The following CCSER1 variants were observed in gnomAD, a reference collection of about 807,000 sequenced individuals.
CCSER1 encodes the protein serine-rich coiled-coil domain-containing protein 1.
Under a neutral mutation model 82.0 loss-of-function variants are expected in CCSER1, and 41 were observed. The observed-to-expected ratio is 0.50, with a 90% confidence interval of 0.39 to 0.65. CCSER1 has a LOEUF of 0.65. Ranked by LOEUF, CCSER1 falls within the 30% of genes least tolerant of loss-of-function variation. The pLI is 0.00. For synonymous variants in CCSER1, 414 were observed against 383.9 expected (o/e 1.08, Z -0.92); for missense variants, 1,119 against 1,064.2 (o/e 1.05, Z -0.72).
intron 5 of CCSER1, among the ~76,000 whole-genome samples, chr4:90,542,317 G>A (rs993199761): frequency 6.6e-6 from 1 of 152,054 alleles, no homozygotes; most frequent in African/African-American, 2.4e-5. Context: ...ATCCCATTAG[G>A]TTTGCGGATA....
At chr4:91,177,777 C>A in intron 10 of CCSER1, among the ~76,000 whole-genome samples, 1 of 152,124 alleles carries the variant, frequency 6.6e-6, no homozygotes, top group East Asian at 1.9e-4. Context: ...CTCCTGGATT[C>A]ATTGATTTTT....
At chr4:90,941,519 A>G (rs142219467) in intron 9 of CCSER1, among the ~76,000 whole-genome samples, 1,683 of 152,278 alleles carry the variant, frequency 0.011, 41 homozygotes, top group African/African-American at 0.038. Context: ...TTTATAAAAC[A>G]AAATGCAATT....
chr4:90,702,138 G>A (rs144754763), intron 6 of CCSER1, among the ~76,000 whole-genome samples: 1,535 of 152,192 alleles, frequency 0.01, 9 homozygotes, highest in Non-Finnish European at 0.017. Context: ...ATTATTTTGA[G>A]ATATGTCCCA....
intron 6 of CCSER1, among the ~76,000 whole-genome samples, chr4:90,631,606 G>T (rs1439416847): frequency 6.6e-6 from 1 of 152,152 alleles, no homozygotes; most frequent in Admixed American, 6.5e-5. Context: ...TCGACAGAGT[G>T]TTAATAGATG....
At chr4:90,625,468 T>A (rs944655943) in intron 5 of CCSER1, among the ~76,000 whole-genome samples, 5 of 152,178 alleles carry the variant, frequency 3.3e-5, no homozygotes, top group African/African-American at 7.2e-5. Flanking sequence ...ATTTAACAGA[T>A]CTTTCACTAA....
At chr4:91,174,373 G>A (rs1733084011) in intron 10 of CCSER1, among the ~76,000 whole-genome samples, 1 of 152,034 alleles carries the variant, frequency 6.6e-6, no homozygotes, top group Non-Finnish European at 1.5e-5. Flanking sequence ...ATTTCTTGAT[G>A]CAAGAGTATA....
At chr4:91,321,710 G>A (rs1311383471) in intron 10 of CCSER1, among the ~76,000 whole-genome samples, 1 of 151,870 alleles carries the variant, frequency 6.6e-6, no homozygotes, top group Non-Finnish European at 1.5e-5. Flanking sequence ...TTTTCCAAAT[G>A]TACTATCTTC....
intron 10 of CCSER1, among the ~76,000 whole-genome samples, chr4:91,388,661 A>T (rs1282987366): frequency 6.6e-6 from 1 of 152,028 alleles, no homozygotes; most frequent in Non-Finnish European, 1.5e-5. Flanking sequence ...ATGATGTGGA[A>T]CATCTTTTCA....
chr4:91,095,203 A>T (rs1345093909), intron 10 of CCSER1, among the ~76,000 whole-genome samples: 1 of 152,116 alleles, frequency 6.6e-6, no homozygotes, highest in African/African-American at 2.4e-5. Flanking sequence ...AGCCCTTCGA[A>T]CAGATTGAAC....
At chr4:91,370,427 T>C (rs1385255819) in intron 10 of CCSER1, among the ~76,000 whole-genome samples, 8 of 152,178 alleles carry the variant, frequency 5.3e-5, no homozygotes, top group Admixed American at 5.2e-4. Context: ...CCGGGCATGG[T>C]GGCTCACACC....
intron 10 of CCSER1, among the ~76,000 whole-genome samples, chr4:91,506,998 T>C (rs1759530160): frequency 6.6e-6 from 1 of 152,246 alleles, no homozygotes; most frequent in Admixed American, 6.5e-5. Flanking sequence ...TAAAAATCAA[T>C]TGTATGGATA....
At chr4:90,735,557 ATG>A (rs1484453437) in intron 7 of CCSER1, among the ~76,000 whole-genome samples, 1 of 152,118 alleles carries the variant, frequency 6.6e-6, no homozygotes, top group African/African-American at 2.4e-5. Context: ...GATAGATTTT[ATG>A]TGTCTCAAAA....
chr4:91,472,005 TA>T (rs1352309924), intron 10 of CCSER1, among the ~76,000 whole-genome samples: 2 of 150,772 alleles, frequency 1.3e-5, no homozygotes, highest in African/African-American at 4.9e-5. Flanking sequence ...AGAAAAAAAC[TA>T]AAGATTTTAT....
At chr4:90,508,456 C>T (rs568141018) in intron 5 of CCSER1, among the ~76,000 whole-genome samples, 13 of 152,026 alleles carry the variant, frequency 8.6e-5, no homozygotes, top group South Asian at 8.3e-4. Context: ...GTTTCTTCCC[C>T]GCTACATTTG....
chr4:90,533,716 T>C (rs2153631893), intron 5 of CCSER1, among the ~76,000 whole-genome samples: 1 of 152,352 alleles, frequency 6.6e-6, no homozygotes, highest in African/African-American at 2.4e-5. Flanking sequence ...GTCATAGACG[T>C]TACCTAGTAT....
chr4:91,490,020 T>C (rs949680097), intron 10 of CCSER1, among the ~76,000 whole-genome samples: 6 of 152,088 alleles, frequency 3.9e-5, no homozygotes, highest in Non-Finnish European at 5.9e-5. Flanking sequence ...CCTCAGAGAA[T>C]TGCAAATCAA....
At position 90,400,398 on chromosome 4, in the gene CCSER1, T is replaced by C. The variant is rs998476043; in HGVS notation, c.1603+269T>C. Among the ~76,000 whole-genome samples the C allele has an allele frequency of 2.0e-5, 3 of 152,210 alleles. No homozygotes were observed. The East Asian group carries it at 5.8e-4, about 29-fold the overall frequency. ...AATCTTTCCAAAATAGGAAATATTC[T>C]AGTTAAATAATTAACAAAAAGTTTA... On this transcript the variant is annotated intron_variant, in intron 4 of 10. Transcript: ENST00000509176.
intron 10 of CCSER1, among the ~76,000 whole-genome samples, chr4:91,506,515 C>T (rs1435820728): frequency 6.6e-6 from 1 of 152,000 alleles, no homozygotes; most frequent in African/African-American, 2.4e-5. Flanking sequence ...AAGGAAATAG[C>T]ATTTAATCTA....
intron 7 of CCSER1, among the ~76,000 whole-genome samples, chr4:90,768,786 G>A (rs934368515): frequency 2.0e-5 from 3 of 152,148 alleles, no homozygotes; most frequent in Non-Finnish European, 4.4e-5. Flanking sequence ...ATTTGCCTAA[G>A]GAGATGTCTT....
Sources: allele counts gnomAD v4.1 joint callset (sites outside exome capture counted in the v4.1 genomes callset), GRCh38; gene constraint gnomAD v4.1.1; transcripts MANE v1.5; gene names NCBI Gene and HGNC (gene_info 2026-07-23, HGNC 2026-07-21).